PTPRD: variants seen among roughly 807,000 people sequenced by gnomAD.
PTPRD encodes the protein receptor-type tyrosine-protein phosphatase delta.
Under a neutral mutation model 214.5 loss-of-function variants are expected in PTPRD, and 34 were observed. That is an observed-to-expected ratio of 0.16 (90% CI 0.12 to 0.21). PTPRD has a LOEUF of 0.21. PTPRD is among the 10% of genes least tolerant of loss of function. The pLI is 1.00. For missense variants in PTPRD, 2,545 were observed against 2,398.7 expected (o/e 1.06, Z -1.27); for synonymous variants, 1,128 against 845.7 (o/e 1.33, Z -5.79).
intron 7 of PTPRD, among the ~76,000 whole-genome samples, chr9:9,606,603 T>C (rs2094169736): frequency 6.6e-6 from 1 of 152,034 alleles, no homozygotes; most frequent in Non-Finnish European, 1.5e-5. Flanking sequence ...TCTTTAATCA[T>C]ATAAATTCTG....
At chr9:8,439,609 T>C (rs1305576441) in intron 34 of PTPRD, among the ~76,000 whole-genome samples, 1 of 152,190 alleles carries the variant, frequency 6.6e-6, no homozygotes, top group African/African-American at 2.4e-5. Context: ...AATGTCGGCA[T>C]AAAAATAATC....
At chr9:8,406,997 A>G (rs1256337617) in intron 35 of PTPRD, among the ~76,000 whole-genome samples, 2 of 152,186 alleles carry the variant, frequency 1.3e-5, no homozygotes, top group East Asian at 3.9e-4. Context: ...GATGGCATGC[A>G]TTTACTTATA....
chr9:9,084,105 T>G (rs1421427751), intron 10 of PTPRD, among the ~76,000 whole-genome samples: 1 of 152,154 alleles, frequency 6.6e-6, no homozygotes, highest in Non-Finnish European at 1.5e-5. Flanking sequence ...CATGCACATG[T>G]ATGTTTATTG....
chr9:10,407,091 T>C (rs959653785), intron 2 of PTPRD, among the ~76,000 whole-genome samples: 5 of 151,544 alleles, frequency 3.3e-5, no homozygotes, highest in African/African-American at 9.7e-5. Flanking sequence ...CAACGTCTTC[T>C]CACCAACAAA....
chr9:9,978,554 A>C (rs1489940920), intron 4 of PTPRD, among the ~76,000 whole-genome samples: 2 of 152,144 alleles, frequency 1.3e-5, no homozygotes, highest in Non-Finnish European at 2.9e-5. Context: ...AAAGCAGAGC[A>C]TTAAGAGGCA....
intron 8 of PTPRD, among the ~76,000 whole-genome samples, chr9:9,506,937 C>A (rs546831175): frequency 2.0e-5 from 3 of 151,280 alleles, no homozygotes; most frequent in South Asian, 4.1e-4. Flanking sequence ...AATTAAGTAA[C>A]CCAGTAATTC....
chr9:8,373,629 G>C (rs1290929235), intron 39 of PTPRD, among the ~76,000 whole-genome samples: 1 of 122,382 alleles, frequency 8.2e-6, no homozygotes, highest in Non-Finnish European at 1.9e-5. Flanking sequence ...GTGTGTGTGT[G>C]TGTGTGTGTG....
chr9:9,443,099 T>C (rs548376186), intron 8 of PTPRD, among the ~76,000 whole-genome samples: 151 of 152,126 alleles, frequency 9.9e-4, no homozygotes, highest in African/African-American at 3.1e-3. Flanking sequence ...CAGAAGAAAA[T>C]TGAACCCAAT....
chr9:9,342,414 GA>G (rs535518264), intron 9 of PTPRD, among the ~76,000 whole-genome samples: 1 of 152,064 alleles, frequency 6.6e-6, no homozygotes, highest in African/African-American at 2.4e-5. Context: ...GAAAAGTAGA[GA>G]AAAAATACTA....
intron 44 of PTPRD, among the ~76,000 whole-genome samples, chr9:8,324,289 G>A (rs1002209071): frequency 6.6e-5 from 10 of 151,898 alleles, no homozygotes; most frequent in South Asian, 2.1e-4. Flanking sequence ...TGTGATGTTC[G>A]CTTCCCTGCG....
Position 8,834,068 on chromosome 9 carries a change from T to C in PTPRD, c.-103-100122A>G, listed in dbSNP as rs141089177. Among the ~76,000 whole-genome samples the C allele has an allele frequency of 3.4e-3, 519 of 152,208 alleles. 3 individuals carry two copies. Among genetic ancestry groups the C allele is most frequent in the South Asian group, 8.1e-3 (39 of 4,828 alleles). On this transcript the variant is annotated intron_variant, in intron 11 of 45. Coordinates refer to ENST00000381196, the MANE Select transcript of PTPRD (RefSeq NM_002839.4). The stretch of plus-strand genomic sequence containing the variant: ...CAATAATGCCTAGTCTTTTTCACTC[T>C]CATTTCCAGAAGGAATCCTGGTAGA...
At chr9:8,551,727 A>C (rs2082161243) in intron 14 of PTPRD, among the ~76,000 whole-genome samples, 1 of 152,242 alleles carries the variant, frequency 6.6e-6, no homozygotes, top group South Asian at 2.1e-4. Context: ...AGGTGTAATA[A>C]TTCAATTTTC....
At chr9:8,943,883 A>G (rs1051454992) in intron 11 of PTPRD, among the ~76,000 whole-genome samples, 3 of 151,932 alleles carry the variant, frequency 2.0e-5, no homozygotes, top group Non-Finnish European at 2.9e-5. Context: ...AAGCAACCAA[A>G]ACAAAAAAGG....
intron 3 of PTPRD, among the ~76,000 whole-genome samples, chr9:10,209,678 A>T (rs2099505993): frequency 6.6e-6 from 1 of 151,810 alleles, no homozygotes; most frequent in Non-Finnish European, 1.5e-5. Context: ...AGGGCCTTTG[A>T]TCTCGTATTT....
chr9:10,216,469 A>G (rs2099541540), intron 3 of PTPRD, among the ~76,000 whole-genome samples: 1 of 151,998 alleles, frequency 6.6e-6, no homozygotes, highest in African/African-American at 2.4e-5. Flanking sequence ...AGATCAATTA[A>G]CTATGGTTAA....
At chr9:8,705,581 A>T (rs988211793) in intron 12 of PTPRD, among the ~76,000 whole-genome samples, 3 of 152,244 alleles carry the variant, frequency 2.0e-5, no homozygotes, top group South Asian at 4.1e-4. Flanking sequence ...CTTAAAATTC[A>T]TAAGAAGCAA....
At chr9:10,420,818 C>T (rs1285038398) in intron 2 of PTPRD, among the ~76,000 whole-genome samples, 2 of 151,766 alleles carry the variant, frequency 1.3e-5, no homozygotes. Flanking sequence ...TGCTTTTATA[C>T]TGTCAGAGTT....
At chr9:9,449,363 T>G (rs1470871872) in intron 8 of PTPRD, among the ~76,000 whole-genome samples, 2 of 152,086 alleles carry the variant, frequency 1.3e-5, no homozygotes, top group Non-Finnish European at 1.5e-5. Context: ...TTCTCCATCT[T>G]GTACATTCCT....
chr9:9,615,605 T>C (rs909747872), intron 7 of PTPRD, among the ~76,000 whole-genome samples: 3 of 152,196 alleles, frequency 2.0e-5, no homozygotes, highest in Non-Finnish European at 2.9e-5. Flanking sequence ...ACCTACTGTA[T>C]GGTTTCTATC....
Sources: allele counts gnomAD v4.1 joint callset (sites outside exome capture counted in the v4.1 genomes callset), GRCh38; gene constraint gnomAD v4.1.1; transcripts MANE v1.5; gene names NCBI Gene and HGNC (gene_info 2026-07-23, HGNC 2026-07-21).